HUWE1: variants seen among roughly 807,000 people sequenced by gnomAD.
HUWE1 encodes the protein E3 ubiquitin-protein ligase HUWE1.
In HUWE1, 18 loss-of-function variants were observed where a neutral mutation model predicts 299.4. The ratio of observed to expected loss-of-function variants is 0.06; its 90% CI spans 0.04 to 0.09. The LOEUF (loss-of-function observed/expected upper bound fraction) is 0.09. Among genes scored for constraint, HUWE1 ranks in the 10% least tolerant of loss-of-function variants. HUWE1 has a pLI of 1.00. For missense variants in HUWE1, 1,832 were observed against 3,462.3 expected (o/e 0.53, Z 11.82); for synonymous variants, 1,317 against 1,286.1 (o/e 1.02, Z -0.51).
chrX:53,562,063 C>G, intron 54 of HUWE1, 48 bp downstream of exon 54: 1 of 1,210,969 alleles, frequency 8.3e-7, no homozygotes. Flanking sequence ...GCTCTATGTT[C>G]CCATGGAAGA....
intron 2 of HUWE1, chrX:53,683,859 C>A: frequency 7.4e-6 from 1 of 134,405 alleles, no homozygotes; most frequent in South Asian, 6.2e-4. Flanking sequence ...CCCCCACCCC[C>A]CACCCGCGAG....
intron 12 of HUWE1, among the ~76,000 whole-genome samples, chrX:53,630,719 A>G (rs1406111808): frequency 7.3e-5 from 8 of 110,000 alleles, no homozygotes; most frequent in Non-Finnish European, 1.3e-4. Flanking sequence ...CCCAGGTGAC[A>G]TGTCAATCAA....
intron 43 of HUWE1, among the ~76,000 whole-genome samples, chrX:53,578,317 G>A (rs1436989355): frequency 9.3e-6 from 1 of 107,469 alleles, no homozygotes; most frequent in African/African-American, 3.4e-5. Context: ...AGTGAGGAGC[G>A]TCTCCGCCCG....
chrX:53,543,596 G>C (rs911554134), intron 73 of HUWE1: 17 of 413,783 alleles, frequency 4.1e-5, no homozygotes, highest in Middle Eastern at 7.2e-4. Flanking sequence ...GTTTGCAAAA[G>C]CGCCACTGTT....
chrX:53,567,313 A>G (rs1273252895), intron 49 of HUWE1, among the ~76,000 whole-genome samples: 1 of 111,558 alleles, frequency 9.0e-6, no homozygotes, highest in African/African-American at 3.3e-5. Context: ...GTTTCAAAAA[A>G]TTGATAGGTT....
intron 25 of HUWE1, among the ~76,000 whole-genome samples, chrX:53,605,944 A>G (rs1250187499): frequency 1.8e-5 from 2 of 111,975 alleles, no homozygotes; most frequent in African/African-American, 6.5e-5. Context: ...CATATAAAAA[A>G]TCTAATCAAA....
intron 74 of HUWE1, among the ~76,000 whole-genome samples, chrX:53,540,933 T>G (rs2061317262): frequency 8.9e-6 from 1 of 111,846 alleles, no homozygotes; most frequent in South Asian, 3.8e-4. Flanking sequence ...GCCTTAGGTT[T>G]GAATCCTGGC....
chrX:53,602,443 TGA>T (rs1311377977), intron 28 of HUWE1, 119 bp downstream of exon 28: 3 of 449,475 alleles, frequency 6.7e-6, no homozygotes, highest in Non-Finnish European at 7.9e-6. Flanking sequence ...TAAAAATTAG[TGA>T]GAGGATGAAA....
chrX:53,624,441 G>A (rs2066352861), intron 19 of HUWE1, among the ~76,000 whole-genome samples, 154 bp downstream of exon 19: 1 of 112,081 alleles, frequency 8.9e-6, no homozygotes, highest in South Asian at 3.7e-4. Flanking sequence ...AGGTTGTAGT[G>A]AGCCAAGATT....
At chrX:53,613,238 A>G (rs1484787314) in intron 23 of HUWE1, among the ~76,000 whole-genome samples, 1 of 111,712 alleles carries the variant, frequency 9.0e-6, no homozygotes, top group African/African-American at 3.3e-5. Context: ...CAACAAAGCA[A>G]TATACTTAGT....
At chrX:53,634,000 A>G (rs2067041797) in intron 8 of HUWE1, among the ~76,000 whole-genome samples, 1 of 111,633 alleles carries the variant, frequency 9.0e-6, no homozygotes, top group Non-Finnish European at 1.9e-5. Flanking sequence ...AGAACTGGGT[A>G]TGAACACACA....
chrX:53,588,196 A>C (rs1400194623), intron 37 of HUWE1, among the ~76,000 whole-genome samples, 186 bp downstream of exon 37: 2 of 112,134 alleles, frequency 1.8e-5, no homozygotes, highest in African/African-American at 6.5e-5. Flanking sequence ...AACTGTTATC[A>C]TTCTAACACA....
chrX:53,548,630 TG>T (rs201639163), intron 67 of HUWE1, among the ~76,000 whole-genome samples: 1,222 of 112,826 alleles, frequency 0.011, 22 homozygotes, highest in African/African-American at 0.038. Context: ...TGCTTATTAT[TG>T]AAAGAACACT....
At chrX:53,609,916 G>T (rs782458325) in intron 23 of HUWE1, among the ~76,000 whole-genome samples, 1 of 111,904 alleles carries the variant, frequency 8.9e-6, no homozygotes, top group South Asian at 3.8e-4. Flanking sequence ...ATATAGAACA[G>T]GAAAAGAGAG....
At chrX:53,620,217 G>T (rs1238651211) in intron 19 of HUWE1, among the ~76,000 whole-genome samples, 2 of 109,598 alleles carry the variant, frequency 1.8e-5, no homozygotes, top group Non-Finnish European at 3.8e-5. Flanking sequence ...CTGGGCATGG[G>T]CCTTTTCAAA....
At chrX:53,623,828 C>T in intron 19 of HUWE1, among the ~76,000 whole-genome samples, 1 of 112,209 alleles carries the variant, frequency 8.9e-6, no homozygotes, top group East Asian at 2.8e-4. Context: ...AAGGAAGTAT[C>T]TAAGTTGTAG....
At chrX:53,584,389 A>G in intron 40 of HUWE1, 44 bp from the exon 41 acceptor site, 1 of 1,099,821 alleles carries the variant, frequency 9.1e-7, no homozygotes, top group East Asian at 3.0e-5. Flanking sequence ...ACCAAAAATG[A>G]ATTATAAAGG....
chrX:53,580,120 T>A (rs1264957461), intron 43 of HUWE1, among the ~76,000 whole-genome samples: 1 of 111,546 alleles, frequency 9.0e-6, no homozygotes, highest in African/African-American at 3.3e-5. Context: ...TTTTCTTTTT[T>A]ATTACCAAAA....
At chrX:53,562,987 G>T in intron 52 of HUWE1, 58 bp from the exon 53 acceptor site, 2 of 1,013,042 alleles carry the variant, frequency 2.0e-6, no homozygotes, top group Non-Finnish European at 2.8e-6. Flanking sequence ...TTTCCAGACT[G>T]GGTGCGTCTA....
Sources: allele counts gnomAD v4.1 joint callset (sites outside exome capture counted in the v4.1 genomes callset), GRCh38; gene constraint gnomAD v4.1.1; transcripts MANE v1.5; gene names NCBI Gene and HGNC (gene_info 2026-07-23, HGNC 2026-07-21).